Variants in SLC24A2 observed in about 807,000 individuals in gnomAD.
SLC24A2 encodes the protein solute carrier family 24 member 2, also known as sodium/potassium/calcium exchanger 2.
A neutral mutation model predicts 62.0 loss-of-function variants in SLC24A2; 36 were observed. That is an observed-to-expected ratio of 0.58 (90% CI 0.44 to 0.77). The LOEUF (loss-of-function observed/expected upper bound fraction) is 0.77, where lower values mean the gene tolerates loss of function less well. Ranked by LOEUF, SLC24A2 falls within the 30% of genes least tolerant of loss-of-function variation. The pLI is 0.00. For missense variants in SLC24A2, 846 were observed against 817.9 expected (o/e 1.03, Z -0.42); for synonymous variants, 358 against 294.0 (o/e 1.22, Z -2.23).
At chr9:19,823,701 C>T in the SLC24A2 span, among the ~76,000 whole-genome samples, 1 of 151,960 alleles carries the variant, frequency 6.6e-6, no homozygotes, top group South Asian at 2.1e-4. Context: ...GTATGCTGAG[C>T]CCATATAGCC....
chr9:20,110,458 C>CTT, the SLC24A2 span, among the ~76,000 whole-genome samples: 2 of 149,690 alleles, frequency 1.3e-5, no homozygotes, highest in African/African-American at 4.9e-5. Context: ...ACTAAATGCA[C>CTT]TTTTTTTTTT....
the SLC24A2 span, among the ~76,000 whole-genome samples, chr9:20,288,201 A>T: frequency 6.6e-6 from 1 of 152,210 alleles, no homozygotes; most frequent in East Asian, 1.9e-4. Flanking sequence ...AGGGGAGTAT[A>T]CATTAGTACA....
chr9:19,915,614 A>T, the SLC24A2 span, among the ~76,000 whole-genome samples: 2 of 152,096 alleles, frequency 1.3e-5, no homozygotes, highest in African/African-American at 4.8e-5. Flanking sequence ...GCTTATTATT[A>T]TGATGATGAT....
intron 7 of SLC24A2, among the ~76,000 whole-genome samples, chr9:19,564,805 C>T (rs543763746): frequency 6.6e-6 from 1 of 152,192 alleles, no homozygotes; most frequent in East Asian, 1.9e-4. Context: ...CAAGTCTCTC[C>T]CCCTTCTACC....
the SLC24A2 span, among the ~76,000 whole-genome samples, chr9:20,263,271 G>A: frequency 6.6e-6 from 1 of 152,184 alleles, no homozygotes; most frequent in African/African-American, 2.4e-5. Flanking sequence ...AGGTGGGGGT[G>A]AGACAGGATC....
the SLC24A2 span, among the ~76,000 whole-genome samples, chr9:20,256,907 A>G: frequency 7.0e-6 from 1 of 143,226 alleles, no homozygotes; most frequent in Non-Finnish European, 1.5e-5. Context: ...AAACAATAAT[A>G]AAACTCCAGC....
At chr9:19,618,766 T>C (rs1817833423) in intron 4 of SLC24A2, among the ~76,000 whole-genome samples, 1 of 152,236 alleles carries the variant, frequency 6.6e-6, no homozygotes, top group East Asian at 1.9e-4. Flanking sequence ...TGTGTAACAT[T>C]GAGCCCAATT....
chr9:19,993,931 A>AC, the SLC24A2 span, among the ~76,000 whole-genome samples: 6 of 152,224 alleles, frequency 3.9e-5, no homozygotes, highest in Non-Finnish European at 8.8e-5. Context: ...AGTTATTGAG[A>AC]CCCCACTATT....
the SLC24A2 span, among the ~76,000 whole-genome samples, chr9:20,212,068 A>G: frequency 0.12 from 18,263 of 149,038 alleles, 2,449 homozygotes; most frequent in East Asian, 0.61. Flanking sequence ...CTTCCCTATT[A>G]CAAAAGAATT....
At chr9:19,581,238 T>C (rs1054829074) in intron 5 of SLC24A2, among the ~76,000 whole-genome samples, 1 of 152,134 alleles carries the variant, frequency 6.6e-6, no homozygotes, top group African/African-American at 2.4e-5. Context: ...AAAAGGATCA[T>C]TTTAGATCTT....
At chr9:20,101,472 A>T in the SLC24A2 span, among the ~76,000 whole-genome samples, 1 of 152,258 alleles carries the variant, frequency 6.6e-6, no homozygotes, top group Non-Finnish European at 1.5e-5. Flanking sequence ...TTATTAAAAC[A>T]GCCTCCTTAG....
chr9:19,761,881 T>C (rs1822344438), intron 2 of SLC24A2, among the ~76,000 whole-genome samples: 1 of 152,200 alleles, frequency 6.6e-6, no homozygotes, highest in Non-Finnish European at 1.5e-5. Context: ...CAGTCTATCG[T>C]TGTTGGACAT....
the SLC24A2 span, among the ~76,000 whole-genome samples, chr9:19,944,441 T>TAAA: frequency 0.016 from 1,229 of 78,480 alleles, 15 homozygotes; most frequent in African/African-American, 0.049. Context: ...AAAGTAGTAG[T>TAAA]AAAAAAAAAA....
At chr9:19,884,924 G>A in the SLC24A2 span, among the ~76,000 whole-genome samples, 164 of 152,248 alleles carry the variant, frequency 1.1e-3, no homozygotes, top group African/African-American at 3.7e-3. Flanking sequence ...TTCAACTTAC[G>A]ATGGATTTAT....
intron 10 of SLC24A2, among the ~76,000 whole-genome samples, chr9:19,519,565 TC>T (rs1833092674): frequency 6.6e-6 from 1 of 152,152 alleles, no homozygotes; most frequent in Non-Finnish European, 1.5e-5. Flanking sequence ...TTTAAGGCAT[TC>T]ATTCATCCAT....
At chr9:20,047,142 G>C in the SLC24A2 span, among the ~76,000 whole-genome samples, 3 of 152,302 alleles carry the variant, frequency 2.0e-5, no homozygotes, top group East Asian at 5.8e-4. Context: ...CAACAGGTTA[G>C]TTACAACAGG....
chr9:19,688,958 G>C (rs1176103513), intron 2 of SLC24A2, among the ~76,000 whole-genome samples: 1 of 152,068 alleles, frequency 6.6e-6, no homozygotes, highest in African/African-American at 2.4e-5. Flanking sequence ...TGAAACTTTA[G>C]ATTCTATGAA....
At chr9:19,601,309 G>A (rs1184168440) in intron 4 of SLC24A2, among the ~76,000 whole-genome samples, 2 of 152,188 alleles carry the variant, frequency 1.3e-5, no homozygotes, top group Non-Finnish European at 2.9e-5. Context: ...ATTGAAAAAA[G>A]AGCATTCTGA....
chr9:19,845,604 T>C, the SLC24A2 span, among the ~76,000 whole-genome samples: 1 of 152,192 alleles, frequency 6.6e-6, no homozygotes, highest in Non-Finnish European at 1.5e-5. Context: ...AGCTCTGCTC[T>C]GATTTTGGTT....
Sources: gnomAD v4.1 joint callset for allele counts (sites outside exome capture counted in the v4.1 genomes callset) on GRCh38, gnomAD v4.1.1 for gene constraint, MANE v1.5 for transcripts, NCBI Gene and HGNC (gene_info 2026-07-23, HGNC 2026-07-21) for gene names.